CLVS1: variants seen among roughly 807,000 people sequenced by gnomAD.
CLVS1 encodes the protein clavesin-1.
Under a neutral mutation model 33.1 loss-of-function variants are expected in CLVS1, and 10 were observed. The ratio of observed to expected loss-of-function variants is 0.30; its 90% confidence interval spans 0.19 to 0.51. CLVS1 has a LOEUF of 0.51. Among genes scored for constraint, CLVS1 ranks in the 20% least tolerant of loss-of-function variants. The pLI is 0.97. For missense variants in CLVS1, 343 were observed against 433.4 expected (o/e 0.79, Z 1.85); for synonymous variants, 163 against 166.1 (o/e 0.98, Z 0.14).
rs60005766 is a variant in CLVS1 at position 61,281,698 on chromosome 8, G to A, written c.-151-17979G>A. On this transcript the variant is annotated intron_variant, in intron 2 of 2. Transcript: ENST00000522621. ...GTTCATCTCTTTCTGTATTTCTGCC[G>A]CATTTGCATTTCCTACCTCATCCCA... Among the ~76,000 whole-genome samples the A allele has an allele frequency of 9.7e-3, 1,469 of 152,106 alleles. 24 individuals are homozygous for A. The highest frequency in any genetic ancestry group is 0.033 in the African/African-American group (1,374 of 41,464).
intron 1 of CLVS1, among the ~76,000 whole-genome samples, chr8:61,099,017 A>T (rs1585609417): frequency 6.6e-6 from 1 of 152,176 alleles, no homozygotes; most frequent in East Asian, 1.9e-4. Flanking sequence ...TTTAATATAG[A>T]CCCTTAAACT....
intron 2 of CLVS1, among the ~76,000 whole-genome samples, chr8:61,137,546 A>G (rs1426449084): frequency 6.6e-6 from 1 of 152,148 alleles, no homozygotes; most frequent in African/African-American, 2.4e-5. Flanking sequence ...CCTCTAAGCC[A>G]TCTATTATAC....
intron 3 of CLVS1, among the ~76,000 whole-genome samples, chr8:61,439,098 T>C (rs894836718): frequency 6.6e-5 from 10 of 152,240 alleles, no homozygotes; most frequent in African/African-American, 2.4e-4. Context: ...CCTTCCATCA[T>C]GCTTCCTTCT....
chr8:61,019,537 TTTATC>T, the CLVS1 span, among the ~76,000 whole-genome samples: 1 of 152,152 alleles, frequency 6.6e-6, no homozygotes, highest in Non-Finnish European at 1.5e-5. Flanking sequence ...AATGTTCTAA[TTTATC>T]TTATTCTAGC....
chr8:61,431,490 G>A (rs1423556086), intron 3 of CLVS1, among the ~76,000 whole-genome samples: 3 of 152,116 alleles, frequency 2.0e-5, no homozygotes, highest in Admixed American at 6.5e-5. Flanking sequence ...CTTCAATCAT[G>A]GCGGCATGGC....
chr8:61,164,712 C>A (rs2116467), intron 2 of CLVS1, among the ~76,000 whole-genome samples: 75,783 of 151,862 alleles, frequency 0.5, 20,262 homozygotes, highest in Middle Eastern at 0.72. Flanking sequence ...TCCCCCCACA[C>A]ACGAGGTTTT....
At chr8:61,067,274 T>C (rs749583243) in intron 1 of CLVS1, among the ~76,000 whole-genome samples, 4 of 152,052 alleles carry the variant, frequency 2.6e-5, no homozygotes, top group Non-Finnish European at 5.9e-5. Context: ...CTTTTGTCTC[T>C]TCAGTCTCTG....
intron 5 of CLVS1, among the ~76,000 whole-genome samples, chr8:61,470,681 T>A (rs1817702410): frequency 6.6e-6 from 1 of 152,244 alleles, no homozygotes; most frequent in Admixed American, 6.5e-5. Flanking sequence ...GTAATGAGCA[T>A]ATGAATGAAA....
chr8:61,040,620 G>C, the CLVS1 span, among the ~76,000 whole-genome samples: 1 of 151,996 alleles, frequency 6.6e-6, no homozygotes, highest in Non-Finnish European at 1.5e-5. Flanking sequence ...TATGTTTGTT[G>C]GCCTCTTGTA....
At chr8:61,047,176 C>T in the CLVS1 span, among the ~76,000 whole-genome samples, 1 of 152,154 alleles carries the variant, frequency 6.6e-6, no homozygotes, top group African/African-American at 2.4e-5. Flanking sequence ...CAAAAGAAGA[C>T]ATTTATGCAG....
At chr8:61,423,322 A>G (rs1279453108) in intron 3 of CLVS1, among the ~76,000 whole-genome samples, 1 of 152,236 alleles carries the variant, frequency 6.6e-6, no homozygotes, top group Non-Finnish European at 1.5e-5. Context: ...AAATTAAAGC[A>G]TTCCTTAAGC....
At chr8:61,466,270 G>A (rs1196715552) in intron 5 of CLVS1, among the ~76,000 whole-genome samples, 6 of 152,216 alleles carry the variant, frequency 3.9e-5, no homozygotes, top group African/African-American at 7.2e-5. Context: ...ACAGGTGACT[G>A]CAGGAGTGTT....
At chr8:61,366,634 C>A (rs890743767) in intron 2 of CLVS1, among the ~76,000 whole-genome samples, 1 of 152,188 alleles carries the variant, frequency 6.6e-6, no homozygotes. Context: ...GCCTACCTTC[C>A]TTCTTTCGCT....
chr8:61,419,497 G>T (rs1478273079), intron 3 of CLVS1, among the ~76,000 whole-genome samples: 1 of 152,002 alleles, frequency 6.6e-6, no homozygotes, highest in Non-Finnish European at 1.5e-5. Flanking sequence ...AGTTGAAGAT[G>T]CATTTGAATA....
intron 1 of CLVS1, among the ~76,000 whole-genome samples, chr8:61,288,565 G>A (rs898676145): frequency 6.6e-6 from 1 of 152,208 alleles, no homozygotes; most frequent in Non-Finnish European, 1.5e-5. Context: ...GCGAGAAAGG[G>A]AAAGTGAAGG....
intron 1 of CLVS1, among the ~76,000 whole-genome samples, chr8:61,122,517 C>T (rs1805891967): frequency 6.7e-6 from 1 of 149,712 alleles, no homozygotes; most frequent in African/African-American, 2.5e-5. Flanking sequence ...TATGCTGAAT[C>T]CTATTTATCA....
chr8:61,268,196 G>A (rs1208200526), intron 2 of CLVS1, among the ~76,000 whole-genome samples: 1 of 133,020 alleles, frequency 7.5e-6, no homozygotes, highest in Non-Finnish European at 1.5e-5. Context: ...TCCCCGGAGT[G>A]TGATATTCCC....
At chr8:61,232,748 TGCAGTTACCTTG>T in intron 2 of CLVS1, among the ~76,000 whole-genome samples, 1 of 152,336 alleles carries the variant, frequency 6.6e-6, no homozygotes, top group African/African-American at 2.4e-5. Flanking sequence ...CCCAGCATCA[TGCAGTTACCTTG>T]GCAACTGTCT....
At chr8:61,210,500 G>A (rs1807949129) in intron 2 of CLVS1, among the ~76,000 whole-genome samples, 1 of 152,220 alleles carries the variant, frequency 6.6e-6, no homozygotes, top group Non-Finnish European at 1.5e-5. Flanking sequence ...CATGTCATGA[G>A]AGGGCCTGTG....
Sources: allele counts gnomAD v4.1 joint callset (sites outside exome capture counted in the v4.1 genomes callset), GRCh38; gene constraint gnomAD v4.1.1; transcripts MANE v1.5; gene names NCBI Gene and HGNC (gene_info 2026-07-23, HGNC 2026-07-21).